BLK: variants seen among roughly 807,000 people sequenced by gnomAD.
BLK encodes the protein tyrosine-protein kinase Blk.
Under a neutral mutation model 61.8 loss-of-function variants are expected in BLK, and 64 were observed. The observed-to-expected ratio is 1.03, with a 90% CI of 0.85 to 1.27. The LOEUF (loss-of-function observed/expected upper bound fraction) is 1.27, where lower values mean the gene tolerates loss of function less well. BLK is among the 50% of genes most tolerant of loss of function. The pLI, the probability that BLK is intolerant of heterozygous loss-of-function variation, is 0.00. For synonymous variants in BLK, 351 were observed against 272.0 expected (o/e 1.29, Z -2.86); for missense variants, 853 against 660.5 (o/e 1.29, Z -3.19).
At chr8:11,563,714 A>C (rs1269037303) in intron 12 of BLK, among the ~76,000 whole-genome samples, 189 bp from the exon 13 acceptor site, 2 of 152,236 alleles carry the variant, frequency 1.3e-5, no homozygotes, top group Non-Finnish European at 2.9e-5. Flanking sequence ...TCCCCAGGCA[A>C]TAAAAAGTAA....
intron 1 of BLK, among the ~76,000 whole-genome samples, chr8:11,506,042 G>A (rs779809266): frequency 6.6e-6 from 1 of 152,208 alleles, no homozygotes; most frequent in African/African-American, 2.4e-5. Context: ...GCCCAACAGG[G>A]AGGCAGATGG....
intron 1 of BLK, among the ~76,000 whole-genome samples, chr8:11,514,483 G>A (rs148201039): frequency 6.6e-6 from 1 of 152,240 alleles, no homozygotes; most frequent in African/African-American, 2.4e-5. Flanking sequence ...CCTTGTAAGA[G>A]CACAGTGGAG....
At chr8:11,547,439 T>G (rs1800695952) in intron 3 of BLK, among the ~76,000 whole-genome samples, 1 of 152,150 alleles carries the variant, frequency 6.6e-6, no homozygotes, top group South Asian at 2.1e-4. Context: ...TTGAAGATGG[T>G]GCTCCAAGCT....
intron 1 of BLK, among the ~76,000 whole-genome samples, chr8:11,521,684 C>A (rs913592784): frequency 1.3e-5 from 2 of 152,180 alleles, no homozygotes; most frequent in Non-Finnish European, 2.9e-5. Context: ...TTTTCTCAGC[C>A]TCATTTATCG....
At chr8:11,533,514 A>T (rs751749076) in intron 1 of BLK, among the ~76,000 whole-genome samples, 9 of 151,610 alleles carry the variant, frequency 5.9e-5, no homozygotes, top group Non-Finnish European at 4.4e-5. Context: ...CGTGGGAAAG[A>T]CCAAGGGTTT....
chr8:11,560,708 G>C, intron 10 of BLK: 1 of 377,338 alleles, frequency 2.7e-6, no homozygotes, highest in Non-Finnish European at 5.4e-6. Context: ...TGCTCCCTGG[G>C]TGCCCCCACG....
chr8:11,513,741 T>C (rs1297330650), intron 1 of BLK, among the ~76,000 whole-genome samples: 1 of 152,230 alleles, frequency 6.6e-6, no homozygotes, highest in Non-Finnish European at 1.5e-5. Context: ...GCCAGAGTTA[T>C]AGAGTGGTGC....
At chr8:11,555,192 C>T in intron 7 of BLK, 140 bp from the exon 8 acceptor site, 2 of 1,157,894 alleles carry the variant, frequency 1.7e-6, no homozygotes, top group Non-Finnish European at 2.6e-6. Flanking sequence ...AGTGTGTGTG[C>T]ATGTGCAGGC....
chr8:11,511,220 G>A (rs1056972691), intron 1 of BLK, among the ~76,000 whole-genome samples: 62 of 152,142 alleles, frequency 4.1e-4, no homozygotes, highest in African/African-American at 1.5e-3. Context: ...AATACAGCTC[G>A]GTCTTTTGTC....
intron 1 of BLK, among the ~76,000 whole-genome samples, chr8:11,535,244 G>A (rs1417051504): frequency 1.6e-5 from 2 of 124,784 alleles, no homozygotes; most frequent in African/African-American, 3.1e-5. Flanking sequence ...AGAAAAGAAG[G>A]AAAGGAAAGA....
intron 1 of BLK, among the ~76,000 whole-genome samples, chr8:11,517,326 G>A (rs1432703879): frequency 6.6e-6 from 1 of 152,170 alleles, no homozygotes; most frequent in Non-Finnish European, 1.5e-5. Flanking sequence ...AAGAGAAGAT[G>A]GAGCTGCCAT....
chr8:11,537,832 A>T (rs993804478), intron 1 of BLK, among the ~76,000 whole-genome samples: 3 of 152,192 alleles, frequency 2.0e-5, no homozygotes, highest in Admixed American at 1.3e-4. Flanking sequence ...TTTTTAGTTG[A>T]TGCCTCCACC....
intron 1 of BLK, chr8:11,510,002 C>G (rs1003759766): frequency 5.3e-5 from 8 of 152,124 alleles, no homozygotes; most frequent in African/African-American, 7.2e-5. Flanking sequence ...ATTTTTGGGC[C>G]TGCATAATAT....
intron 1 of BLK, among the ~76,000 whole-genome samples, chr8:11,531,409 C>A (rs75799739): frequency 6.6e-6 from 1 of 152,130 alleles, no homozygotes. Context: ...TTGTATGCTT[C>A]TGACTCATAT....
intron 1 of BLK, among the ~76,000 whole-genome samples, chr8:11,504,959 C>T (rs762322945): frequency 6.6e-5 from 10 of 152,126 alleles, no homozygotes; most frequent in Admixed American, 1.3e-4. Flanking sequence ...CACAGAGACA[C>T]GTACAGACAC....
rs1346651668 is a variant in BLK, at chr8:11,554,981, A to C, written c.619+92A>C. On this transcript the variant is annotated intron_variant, in intron 7 of 12. Transcript: ENST00000259089. ...CCCAATTGTGTGAGTCATTGGTGCC[A>C]CCTTGGGGGATGGAAAGATTATCCC... 1.2e-5 allele frequency: 19 copies of C among 1,527,630 alleles called. No individual in the cohort carries two copies. In the East Asian group the frequency reaches 4.0e-4, roughly 32 times the overall value. The allele number at this position is 1,527,630 out of a possible 1,614,324, so 94.6% of individuals were successfully genotyped here.
intron 1 of BLK, among the ~76,000 whole-genome samples, chr8:11,507,134 G>A (rs1287138482): frequency 2.0e-5 from 3 of 152,228 alleles, no homozygotes; most frequent in Non-Finnish European, 2.9e-5. Context: ...CCAACATGCA[G>A]TATAAATGTA....
In BLK at chr8:11,510,085, A is replaced by T. The variant is rs367941566; in HGVS notation, c.-2+15494A>T. Among the ~76,000 whole-genome samples the T allele has an allele frequency of 2.6e-4, 39 of 152,306 alleles. No individual in the cohort carries two copies. The South Asian group carries it at 7.3e-3, about 28-fold the overall frequency. On this transcript the variant is annotated intron_variant, in intron 1 of 12. Transcript: ENST00000259089. ...TTCCATATTTTTGTATCACCATAGC[A>T]GGTGATGATTGAAAAAATAAATGCA...
chr8:11,550,272 G>T lies in BLK; in HGVS notation c.472+10G>T, dbSNP rs1800843355. On this transcript the variant is annotated intron_variant, in intron 6 of 12. Coordinates refer to ENST00000259089, the MANE Select transcript of BLK (RefSeq NM_001715.3). ...AGTGAAACCAACAAAGGTAGGCTTG[G>T]TGGCTTTGCCTGCCTTCCTTGCCCT... The T allele has an allele frequency of 1.2e-6, 2 of 1,613,174 alleles. No homozygotes were observed. The highest frequency in any genetic ancestry group is 1.3e-5 in the African/African-American group (1 of 74,930).
Sources: allele counts gnomAD v4.1 joint callset (sites outside exome capture counted in the v4.1 genomes callset), GRCh38; gene constraint gnomAD v4.1.1; transcripts MANE v1.5; gene names NCBI Gene and HGNC (gene_info 2026-07-23, HGNC 2026-07-21).